THBS4: variants seen among roughly 807,000 people sequenced by gnomAD.
THBS4 encodes thrombospondin-4.
In THBS4, 90 loss-of-function variants were observed where a neutral mutation model predicts 115.7. That is an observed-to-expected ratio of 0.78 (90% CI 0.66 to 0.93). The LOEUF (loss-of-function observed/expected upper bound fraction) is 0.93, where lower values mean the gene tolerates loss of function less well. Ranked by LOEUF, THBS4 falls within the 40% of genes least tolerant of loss-of-function variation. The pLI is 0.00. For synonymous variants in THBS4, 460 were observed against 479.3 expected, an observed-to-expected ratio of 0.96 and a Z score of 0.53; for missense variants, 1,087 against 1,232.7, an observed-to-expected ratio of 0.88 and a Z score of 1.77.
Position 80,079,083 on chromosome 5 carries a change from T to A in THBS4, c.2336T>A (p.Val779Asp), listed in dbSNP as rs1743361200. Residue 779 changes from valine to aspartate, a missense_variant, in exon 19 of 22, where the codon GTT becomes GAT. By Grantham distance (152) the Val-to-Asp change is radical. Around this residue, in one of 3 missense-constraint regions of THBS4, gnomAD observed 979 missense variants for 1,103.7 expected, o/e 0.89. Coordinates refer to ENST00000350881, the MANE Select transcript of THBS4 (RefSeq NM_003248.6). ...LAVGYTAFNGVDFEGTFHVNT... is the reference protein window; with the variant it reads ...LAVGYTAFNGDDFEGTFHVNT... ...ACAGGGTACACAGCTTTTAATGGAG[T>A]TGACTTCGAAGGGACCTTCCATGTG... 1 of 1,613,482 alleles carries A rather than the reference T, an allele frequency of 6.2e-7. No individual in the cohort carries two copies. Among genetic ancestry groups the A allele is most frequent in the African/African-American group, 1.3e-5 (1 of 74,894 alleles).
At chr5:80,054,979 T>C (rs1424332137) in intron 2 of THBS4, among the ~76,000 whole-genome samples, 1 of 152,156 alleles carries the variant, frequency 6.6e-6, no homozygotes, top group Admixed American at 6.5e-5. Context: ...TGAGACTCAC[T>C]TTCCTTGTCC....
At position 80,035,504 on chromosome 5, in the gene THBS4, G is replaced by A; in HGVS notation, c.-34G>A. The A allele has an allele frequency of 3.1e-6, 4 of 1,297,116 alleles. No homozygotes were observed. The highest frequency in any genetic ancestry group is 3.9e-6 in the Non-Finnish European group (4 of 1,021,794). 80.4% of individuals were successfully genotyped at this position (1,297,116 alleles called of 1,614,324 possible). A position where few individuals can be genotyped will look rare whatever the true frequency, so the allele number is the denominator to read the frequency against. On this transcript the variant is annotated 5_prime_UTR_variant, in exon 1 of 22. Transcript: ENST00000350881. This position sits in a 1 kb window ranked among gnomAD's most constrained non-coding sequence, Gnocchi z 4.6. The stretch of plus-strand genomic sequence containing the variant: ...CCCAGGCGGGGCCAACGCCGCCGTC[G>A]CCCCCGGCCTCGCGGGGAGCAGGAA...
At chr5:80,036,810 C>T (rs1484632559) in intron 1 of THBS4, among the ~76,000 whole-genome samples, 1 of 152,178 alleles carries the variant, frequency 6.6e-6, no homozygotes, top group Non-Finnish European at 1.5e-5. Flanking sequence ...CTGGAAGAGA[C>T]GCACAACTTG....
intron 4 of THBS4, 71 bp downstream of exon 4, chr5:80,058,385 C>T: frequency 8.5e-7 from 1 of 1,175,772 alleles, no homozygotes; most frequent in African/African-American, 1.5e-5. Context: ...GGCTGGGTCC[C>T]ATCACCGAAA....
At chr5:80,080,211 G>T in intron 20 of THBS4, 134 bp downstream of exon 20, 1 of 1,060,804 alleles carries the variant, frequency 9.4e-7, no homozygotes, top group Non-Finnish European at 1.3e-6. Flanking sequence ...TTTTGTGACC[G>T]CAGGATGGGG....
At chr5:80,052,573 C>G (rs993346311) in intron 2 of THBS4, 3 of 152,202 alleles carry the variant, frequency 2.0e-5, no homozygotes, top group Admixed American at 6.5e-5. Context: ...CCAGGTCTTT[C>G]CGATTCTTCT....
At chr5:80,000,346 A>G (rs760819160) in intron 2 of THBS4, among the ~76,000 whole-genome samples, 4 of 152,184 alleles carry the variant, frequency 2.6e-5, no homozygotes, top group Admixed American at 1.3e-4. Context: ...TCTCAAAGTT[A>G]CCCTTTGCTT....
intron 2 of THBS4, among the ~76,000 whole-genome samples, chr5:80,050,247 G>T (rs1833212214): frequency 1.3e-5 from 2 of 152,214 alleles, no homozygotes; most frequent in South Asian, 4.1e-4. Context: ...TTCACGTAGA[G>T]CTGGCTGTGT....
At chr5:80,040,310 A>T (rs1241551631) in intron 2 of THBS4, 30 bp downstream of exon 2, 1 of 1,551,000 alleles carries the variant, frequency 6.4e-7, no homozygotes, top group Non-Finnish European at 8.8e-7. Flanking sequence ...TTATTTTCTT[A>T]AAAATCTCCT....
intron 2 of THBS4, chr5:80,052,890 C>T (rs958670016): frequency 1.3e-5 from 2 of 152,254 alleles, no homozygotes; most frequent in South Asian, 4.1e-4. Context: ...TTACACTCTA[C>T]AGAAAAGGTA....
chr5:80,037,865 T>A (rs1832766373), intron 1 of THBS4, among the ~76,000 whole-genome samples: 1 of 152,188 alleles, frequency 6.6e-6, no homozygotes. Context: ...AAAATCCAAT[T>A]TCCCTTTTGA....
chr5:80,013,498 T>G (rs1195878547), intron 2 of THBS4, among the ~76,000 whole-genome samples: 4 of 152,160 alleles, frequency 2.6e-5, no homozygotes, highest in Non-Finnish European at 5.9e-5. Context: ...TTGTCATATT[T>G]TAAGAATAAA....
intron 20 of THBS4, chr5:80,082,124 C>A (rs1315602106): frequency 2.8e-6 from 1 of 362,694 alleles, no homozygotes; most frequent in Non-Finnish European, 4.9e-6. Flanking sequence ...ATAGTGTGAC[C>A]AACATCATGT....
At chr5:80,057,639 G>A (rs955004866) in intron 3 of THBS4, among the ~76,000 whole-genome samples, 3 of 152,192 alleles carry the variant, frequency 2.0e-5, no homozygotes, top group African/African-American at 4.8e-5. Context: ...TAATAAAGGT[G>A]ATTGCAAGCA....
chr5:80,051,772 G>T (rs1353376282), intron 2 of THBS4, among the ~76,000 whole-genome samples: 1 of 152,090 alleles, frequency 6.6e-6, no homozygotes. Context: ...GTGTGCACCT[G>T]CTATATGTAA....
At chr5:79,997,118 A>G (rs1446954433) in intron 1 of THBS4, among the ~76,000 whole-genome samples, 1 of 151,938 alleles carries the variant, frequency 6.6e-6, no homozygotes, top group Non-Finnish European at 1.5e-5. Context: ...GGAGGTAGTC[A>G]GAGAGATGAG....
intron 15 of THBS4, among the ~76,000 whole-genome samples, chr5:80,074,577 C>T (rs549983240): frequency 1.3e-5 from 2 of 151,978 alleles, no homozygotes; most frequent in South Asian, 2.1e-4. Flanking sequence ...CAGTTCCTGA[C>T]CCAAACCTTA....
intron 1 of THBS4, among the ~76,000 whole-genome samples, chr5:79,996,266 G>A (rs934718296): frequency 6.6e-6 from 1 of 152,164 alleles, no homozygotes; most frequent in Non-Finnish European, 1.5e-5. Context: ...TCAAGGGAGA[G>A]CCATGGGCAG....
At chr5:80,045,060 T>G (rs1833019312) in intron 2 of THBS4, among the ~76,000 whole-genome samples, 1 of 152,224 alleles carries the variant, frequency 6.6e-6, no homozygotes, top group Admixed American at 6.5e-5. Context: ...ACAGGCTGGT[T>G]GCAAGAACTG....
Sources: gnomAD v4.1 joint callset for allele counts (sites outside exome capture counted in the v4.1 genomes callset) on GRCh38, gnomAD v4.1.1 for gene constraint, gnomAD v4.1.1 regional missense constraint, Gnocchi (gnomAD v3.1) non-coding constraint, MANE v1.5 for transcripts, NCBI Gene and HGNC (gene_info 2026-07-23, HGNC 2026-07-21) for gene names.